The following ZNF423 variants were observed in gnomAD, a reference collection of about 807,000 sequenced individuals.
The protein encoded by ZNF423 is Ebf-associated zinc finger protein.
ZNF423 carries 12 observed loss-of-function variants against 95.8 expected under a neutral mutation model. The ratio of observed to expected loss-of-function variants is 0.13; its 90% CI spans 0.08 to 0.20. ZNF423 has a LOEUF of 0.20. Ranked by LOEUF, ZNF423 falls within the 10% of genes least tolerant of loss-of-function variation. The pLI is 1.00. For missense variants in ZNF423, 1,316 were observed against 1,737.1 expected, an observed-to-expected ratio of 0.76 and a Z score of 4.31; for synonymous variants, 749 against 711.9, an observed-to-expected ratio of 1.05 and a Z score of -0.83.
At chr16:49,670,857 C>G (rs1454174771) in intron 3 of ZNF423, among the ~76,000 whole-genome samples, 1 of 152,196 alleles carries the variant, frequency 6.6e-6, no homozygotes, top group African/African-American at 2.4e-5. Context: ...TTTAAAGCAT[C>G]CTTTTTAAGT....
chr16:49,701,773 G>A (rs1484346216), intron 3 of ZNF423, among the ~76,000 whole-genome samples: 1 of 152,116 alleles, frequency 6.6e-6, no homozygotes, highest in Non-Finnish European at 1.5e-5. Context: ...TTACTGTAGC[G>A]TTCTAGAAGG....
At chr16:49,531,738 G>A (rs902523725) in intron 5 of ZNF423, among the ~76,000 whole-genome samples, 3 of 152,196 alleles carry the variant, frequency 2.0e-5, no homozygotes, top group Non-Finnish European at 2.9e-5. Context: ...AGGGTCTGAG[G>A]AGTGTCCCTT....
intron 3 of ZNF423, chr16:49,730,486 G>A: frequency 2.1e-6 from 1 of 475,324 alleles, no homozygotes; most frequent in Non-Finnish European, 3.8e-6. Context: ...GAAATTCAGG[G>A]TGCACATCCA....
At chr16:49,815,877 AAAAAATATATAT>A (rs1404267969) in intron 1 of ZNF423, among the ~76,000 whole-genome samples, 6 of 64,086 alleles carry the variant, frequency 9.4e-5, no homozygotes, top group Non-Finnish European at 1.4e-4. Context: ...AAACAAAAAA[AAAAAATATATAT>A]ATATATATAT....
chr16:49,745,732 G>A (rs946386963), intron 2 of ZNF423, among the ~76,000 whole-genome samples: 1 of 152,116 alleles, frequency 6.6e-6, no homozygotes, highest in Non-Finnish European at 1.5e-5. Flanking sequence ...ATGCTAACTC[G>A]TGTCACCAAA....
chr16:49,822,668 AC>A (rs1468183111), intron 1 of ZNF423: 2 of 1,609,386 alleles, frequency 1.2e-6, no homozygotes, highest in East Asian at 2.2e-5. Flanking sequence ...TCCCCTGCTC[AC>A]CCCTCTTCTT....
intron 3 of ZNF423, among the ~76,000 whole-genome samples, chr16:49,642,476 G>A (rs540806529): frequency 4.6e-5 from 7 of 152,302 alleles, no homozygotes; most frequent in East Asian, 1.9e-4. Context: ...AAAGCAAAGC[G>A]TATTATTCTG....
chr16:49,695,362 G>A, intron 3 of ZNF423, among the ~76,000 whole-genome samples: 1 of 152,122 alleles, frequency 6.6e-6, no homozygotes, highest in Non-Finnish European at 1.5e-5. Flanking sequence ...GCACAATCTC[G>A]GCTCACCGCA....
In ZNF423 at chr16:49,635,599, T is replaced by C; in HGVS notation, c.3516+61A>G. ...CGGCACTCAGGGTACGTGGCTCCTG[T>C]GGGGACCAGAGGAGCCCCAAGGAGA... On this transcript the variant is annotated intron_variant, in intron 4 of 7. Coordinates refer to ENST00000563137, the MANE Select transcript of ZNF423 (RefSeq NM_001379286.1). The surrounding 1 kb of genome is among the most constrained non-coding windows in gnomAD (Gnocchi z 4.8). 6.7e-7 allele frequency: 1 copy of C among 1,499,862 alleles called. No homozygotes were observed. Among genetic ancestry groups the C allele is most frequent in the Non-Finnish European group, 8.9e-7 (1 of 1,126,714 alleles). 92.9% of individuals were successfully genotyped at this position (1,499,862 alleles called of 1,614,324 possible). A position where few individuals can be genotyped will look rare whatever the true frequency, so the allele number is the denominator to read the frequency against.
chr16:49,822,406 T>C (rs1470717390), intron 1 of ZNF423, among the ~76,000 whole-genome samples: 2 of 152,124 alleles, frequency 1.3e-5, no homozygotes, highest in African/African-American at 4.8e-5. Context: ...ACTCCTGACC[T>C]CAGGCGATCC....
intron 1 of ZNF423, among the ~76,000 whole-genome samples, chr16:49,802,233 A>G (rs765781925): frequency 3.3e-5 from 5 of 152,076 alleles, no homozygotes; most frequent in Non-Finnish European, 7.4e-5. Flanking sequence ...ATCAGTCAAC[A>G]TAGGACTGGA....
chr16:49,542,101 C>A (rs930225110), intron 5 of ZNF423, among the ~76,000 whole-genome samples: 3 of 152,182 alleles, frequency 2.0e-5, no homozygotes, highest in African/African-American at 7.2e-5. Context: ...CCAGAGAGCT[C>A]CACAGCCCCT....
chr16:49,727,695 C>G (rs2033061120), intron 3 of ZNF423, among the ~76,000 whole-genome samples: 2 of 152,206 alleles, frequency 1.3e-5, no homozygotes, highest in South Asian at 4.1e-4. Context: ...GCAACAGTCC[C>G]TATGAAGGGG....
chr16:49,824,548 A>G (rs929949523), intron 1 of ZNF423, among the ~76,000 whole-genome samples: 14 of 152,142 alleles, frequency 9.2e-5, no homozygotes, highest in African/African-American at 4.8e-5. Flanking sequence ...GAGTGGCAGG[A>G]GAGTGGCACT....
intron 3 of ZNF423, among the ~76,000 whole-genome samples, chr16:49,639,195 G>C (rs992274099): frequency 1.3e-5 from 2 of 152,210 alleles, no homozygotes; most frequent in African/African-American, 4.8e-5. Context: ...AGGAGGGGCA[G>C]CCTGGACAAA....
Position 49,636,493 on chromosome 16 carries a change from C to T in ZNF423, c.2683G>A (p.Gly895Ser), listed in dbSNP as rs147413663. 3.1e-4 allele frequency: 501 copies of T among 1,613,568 alleles called. 3 individuals carry two copies. Among genetic ancestry groups the T allele is most frequent in the Non-Finnish European group, 3.9e-4 (465 of 1,180,036 alleles). Residue 895 changes from glycine to serine, a missense_variant, in exon 4 of 8, where the codon GGC (glycine) becomes AGC (serine). Transcript: ENST00000563137. The surrounding 1 kb of genome is among the most constrained non-coding windows in gnomAD (Gnocchi z 8.6). ...DDVDASEPMYGCDICGAAYTM... is the reference protein window; with the variant it reads ...DDVDASEPMYSCDICGAAYTM... ...TAGGCCGCCCCACAGATGTCACAGC[C>T]GTACATGGGCTCCGACGCGTCCACG...
At chr16:49,752,111 G>C (rs968364010) in intron 2 of ZNF423, among the ~76,000 whole-genome samples, 10 of 152,234 alleles carry the variant, frequency 6.6e-5, no homozygotes, top group Admixed American at 6.5e-4. Flanking sequence ...AAGCAGAATT[G>C]TGTGGCCACA....
rs140000430 is a variant in ZNF423, at chr16:49,636,473, C to T, written c.2703G>A (p.Ala901=). Residue 901 remains alanine, a synonymous_variant, in exon 4 of 8, where the codon GCG becomes GCA. Coordinates refer to ENST00000563137, the MANE Select transcript of ZNF423 (RefSeq NM_001379286.1). This position sits in a 1 kb window ranked among gnomAD's most constrained non-coding sequence, Gnocchi z 8.6. ...GCAGCAGCACCTCCATGGTGTAGGC[C>T]GCCCCACAGATGTCACAGCCGTACA... is the stretch of plus-strand genomic sequence containing the variant. The part of the protein sequence containing the change: ...EPMYGCDICG[A]AYTMEVLLQN... 85 of 1,613,462 alleles carry T rather than the reference C, an allele frequency of 5.3e-5. No homozygotes were observed. The highest frequency in any genetic ancestry group is 6.7e-5 in the Admixed American group (4 of 59,998).
Position 49,488,341 on chromosome 16 carries a change from G to A in ZNF423, c.*2934C>T, listed in dbSNP as rs540381771. 1.3e-5 allele frequency: 2 copies of A among 151,738 alleles called. No individual in the cohort carries two copies. Among genetic ancestry groups the A allele is most frequent in the African/African-American group, 4.8e-5 (2 of 41,554 alleles). The allele number at this position is 151,738 out of a possible 1,614,324, so 9.4% of individuals were successfully genotyped here. ...TTACCTGCCTGCTTCTGGGCACTCT[G>A]GGCAGGTGTTCCATGACAGGGGCCT... On this transcript the variant is annotated 3_prime_UTR_variant, in exon 8 of 8. Coordinates refer to ENST00000563137, the MANE Select transcript of ZNF423 (RefSeq NM_001379286.1).
Sources: allele counts gnomAD v4.1 joint callset (sites outside exome capture counted in the v4.1 genomes callset), GRCh38; gene constraint gnomAD v4.1.1; non-coding constraint Gnocchi (gnomAD v3.1); transcripts MANE v1.5; gene names NCBI Gene and HGNC (gene_info 2026-07-23, HGNC 2026-07-21).